LPP: variants seen among roughly 807,000 people sequenced by gnomAD.
The protein encoded by LPP is lipoma-preferred partner.
A neutral mutation model predicts 60.4 loss-of-function variants in LPP; 38 were observed. The observed-to-expected ratio is 0.63, with a 90% CI of 0.49 to 0.83. The LOEUF is 0.83. LPP is among the 40% of genes least tolerant of loss of function. The pLI is 0.00. For missense variants in LPP, 902 were observed against 783.6 expected, an observed-to-expected ratio of 1.15 and a Z score of -1.80; for synonymous variants, 328 against 290.8, an observed-to-expected ratio of 1.13 and a Z score of -1.30.
intron 7 of LPP, among the ~76,000 whole-genome samples, chr3:188,612,752 G>A (rs535653506): frequency 6.6e-6 from 1 of 152,166 alleles, no homozygotes; most frequent in Admixed American, 6.5e-5. Flanking sequence ...GGGGAGTTTG[G>A]CATTTAACCC....
At chr3:188,178,757 T>C (rs949466421) in intron 1 of LPP, 1 of 158,214 alleles carries the variant, frequency 6.3e-6, no homozygotes, top group African/African-American at 2.4e-5. Context: ...AATAAAGCCT[T>C]GTTTGGGCTG....
intron 8 of LPP, among the ~76,000 whole-genome samples, chr3:188,723,757 GA>G (rs1168709455): frequency 1.3e-5 from 2 of 151,788 alleles, no homozygotes. Context: ...CATATCCCAG[GA>G]AAAAAACTCT....
rs566001615 is a variant in LPP at position 188,815,544 on chromosome 3, GA to G, written c.1411-50645del. On this transcript the variant is annotated intron_variant, in intron 9 of 11. Transcript: ENST00000617246. ...ATTCTATCTCCCTTTAGAAAAAAAAGAAAAAAAAAAAGCAGCAGCAGCAGTA... is the reference window on the plus strand; with the variant it reads ...ATTCTATCTCCCTTTAGAAAAAAAAGAAAAAAAAAAGCAGCAGCAGCAGTA... Among the ~76,000 whole-genome samples the G allele has an allele frequency of 1.9e-3, 255 of 134,540 alleles. 1 individual carries two copies. Among genetic ancestry groups the G allele is most frequent in the Middle Eastern group, 3.8e-3 (1 of 262 alleles). 88.3% of individuals were successfully genotyped at this position (134,540 alleles called of 152,430 possible).
At chr3:188,429,860 T>C (rs1442433698) in intron 4 of LPP, among the ~76,000 whole-genome samples, 1 of 152,214 alleles carries the variant, frequency 6.6e-6, no homozygotes, top group Middle Eastern at 3.2e-3. Flanking sequence ...GAATTCCTTT[T>C]CCTAAACAAA....
chr3:188,180,714 TACTG>T (rs1306850820), intron 1 of LPP: 1 of 152,236 alleles, frequency 6.6e-6, no homozygotes, highest in African/African-American at 2.4e-5. Context: ...ATTTGCATTT[TACTG>T]ACTAAATATT....
intron 1 of LPP, among the ~76,000 whole-genome samples, chr3:188,186,929 A>G (rs531265958): frequency 2.0e-5 from 3 of 151,986 alleles, no homozygotes; most frequent in Admixed American, 6.6e-5. Context: ...TTCTACTTTT[A>G]TTCTTTGTGG....
intron 6 of LPP, among the ~76,000 whole-genome samples, chr3:188,551,717 G>T (rs966460419): frequency 2.6e-5 from 4 of 152,078 alleles, no homozygotes; most frequent in African/African-American, 9.7e-5. Context: ...TGTGTGTTGC[G>T]GAAGATGGTG....
chr3:188,545,573 T>C (rs1007588925), intron 6 of LPP, among the ~76,000 whole-genome samples: 5 of 152,038 alleles, frequency 3.3e-5, no homozygotes, highest in African/African-American at 1.2e-4. Flanking sequence ...TGTGCCTCGA[T>C]TTGGGTGCAG....
At chr3:188,852,991 GA>G (rs953722672) in intron 9 of LPP, among the ~76,000 whole-genome samples, 2 of 149,232 alleles carry the variant, frequency 1.3e-5, no homozygotes, top group Non-Finnish European at 3.0e-5. Context: ...TAAAAATACA[GA>G]AAAAAAAAAT....
At chr3:188,469,271 T>C (rs1801202974) in intron 4 of LPP, among the ~76,000 whole-genome samples, 1 of 152,064 alleles carries the variant, frequency 6.6e-6, no homozygotes, top group Non-Finnish European at 1.5e-5. Context: ...TACATCAAAG[T>C]GGGTAAAGAA....
In LPP at chr3:188,716,270, G is replaced by A. The variant is rs553409384; in HGVS notation, c.1240+7877G>A. On this transcript the variant is annotated intron_variant, in intron 8 of 11. Transcript: ENST00000617246. ...GCAGCAGGGACCTAGCACATGCTAA[G>A]CCTTGAGAGAAGAAAGGCGTTAACA... Among the ~76,000 whole-genome samples, 8 of 152,346 alleles carry A rather than the reference G, an allele frequency of 5.3e-5. No individual in the cohort carries two copies. In the South Asian group the frequency reaches 1.4e-3, roughly 28 times the overall value.
chr3:188,314,715 G>A (rs896547443), intron 2 of LPP, among the ~76,000 whole-genome samples: 1 of 152,046 alleles, frequency 6.6e-6, no homozygotes, highest in Non-Finnish European at 1.5e-5. Flanking sequence ...CAGCTACTCG[G>A]GAGGCTGAGG....
chr3:188,239,786 T>C (rs2149434893), intron 2 of LPP: 1 of 216,426 alleles, frequency 4.6e-6, no homozygotes, highest in South Asian at 1.9e-4. Context: ...TAGTATTGAT[T>C]GCGCAACATC....
At chr3:188,310,222 T>G (rs1752960000) in intron 2 of LPP, among the ~76,000 whole-genome samples, 8 of 151,830 alleles carry the variant, frequency 5.3e-5, no homozygotes, top group Admixed American at 3.3e-4. Flanking sequence ...TCTTTCTTTT[T>G]TTTTTTTTTT....
intron 5 of LPP, among the ~76,000 whole-genome samples, chr3:188,512,554 G>A (rs1044359441): frequency 9.3e-5 from 7 of 75,028 alleles, no homozygotes; most frequent in South Asian, 4.8e-4. Context: ...AGCAAAACCC[G>A]GTCTATAAAT....
chr3:188,380,817 G>A (rs1220352781), intron 3 of LPP, among the ~76,000 whole-genome samples: 1 of 152,210 alleles, frequency 6.6e-6, no homozygotes, highest in Non-Finnish European at 1.5e-5. Flanking sequence ...CAACAATATT[G>A]AACTTTTATT....
At chr3:188,840,231 G>A (rs1427210015) in intron 9 of LPP, among the ~76,000 whole-genome samples, 1 of 151,976 alleles carries the variant, frequency 6.6e-6, no homozygotes, top group Non-Finnish European at 1.5e-5. Context: ...TCAGATCTTT[G>A]TTGTATCTTT....
At chr3:188,807,937 G>A (rs1482692624) in intron 9 of LPP, among the ~76,000 whole-genome samples, 1 of 152,100 alleles carries the variant, frequency 6.6e-6, no homozygotes, top group Admixed American at 6.6e-5. Context: ...TTAAAAGCCA[G>A]ACATATTATA....
In LPP at chr3:188,862,740, AG is replaced by A. The variant is rs142134777; in HGVS notation, c.1411-3459del. ...AAAAATAAATAAATAAATAAATAAA[AG>A]AAAAAAGAAAAGAAAGAAAGAAAAA... On this transcript the variant is annotated intron_variant, in intron 9 of 11. Coordinates refer to ENST00000617246, the MANE Select transcript of LPP (RefSeq NM_001375462.1). Among the ~76,000 whole-genome samples the A allele has an allele frequency of 7.3e-3, 1,054 of 143,838 alleles. 48 individuals are homozygous for A. The highest frequency in any genetic ancestry group is 0.02 in the African/African-American group (743 of 38,024). 94.4% of individuals were successfully genotyped at this position (143,838 alleles called of 152,430 possible).
Sources: allele counts gnomAD v4.1 joint callset (sites outside exome capture counted in the v4.1 genomes callset), GRCh38; gene constraint gnomAD v4.1.1; transcripts MANE v1.5; gene names NCBI Gene and HGNC (gene_info 2026-07-23, HGNC 2026-07-21).